PPP1R36: variants seen among roughly 807,000 people sequenced by gnomAD.
The protein encoded by PPP1R36 is chromosome 14 open reading frame 50.
Under a neutral mutation model 53.4 loss-of-function variants are expected in PPP1R36, and 47 were observed. That is an observed-to-expected ratio of 0.88 (90% CI 0.70 to 1.12). PPP1R36 has a LOEUF of 1.12. Among genes scored for constraint, PPP1R36 ranks in the 50% most tolerant of loss-of-function variants. The pLI, the probability that PPP1R36 is intolerant of heterozygous loss-of-function variation, is 0.00. For missense variants in PPP1R36, 456 were observed against 513.9 expected, an observed-to-expected ratio of 0.89 and a Z score of 1.09; for synonymous variants, 153 against 170.5, an observed-to-expected ratio of 0.90 and a Z score of 0.80.
chr14:64,583,037 G>A (rs2080401012), intron 8 of PPP1R36, among the ~76,000 whole-genome samples: 1 of 148,690 alleles, frequency 6.7e-6, no homozygotes, highest in Non-Finnish European at 1.5e-5. Context: ...ACTACAAGGC[G>A]TGTGCCACCA....
At chr14:64,552,993 T>G in intron 3 of PPP1R36, 132 bp downstream of exon 3, 1 of 689,328 alleles carries the variant, frequency 1.5e-6, no homozygotes, top group Non-Finnish European at 2.5e-6. Flanking sequence ...TTTTTTGAGA[T>G]AGAGTCTCAC....
chr14:64,560,228 C>A (rs566918808), intron 3 of PPP1R36, among the ~76,000 whole-genome samples: 2 of 149,606 alleles, frequency 1.3e-5, no homozygotes, highest in South Asian at 4.2e-4. Context: ...ATGGCCTAAG[C>A]TCAAGAGTTT....
chr14:64,558,568 G>A (rs2080177156), intron 3 of PPP1R36, among the ~76,000 whole-genome samples: 1 of 151,842 alleles, frequency 6.6e-6, no homozygotes, highest in Non-Finnish European at 1.5e-5. Context: ...AACAGAGTGA[G>A]ACCCTGCCTC....
chr14:64,550,373 C>CAGAGCAGACCTACT, intron 1 of PPP1R36: 1 of 926,126 alleles, frequency 1.1e-6, no homozygotes, highest in South Asian at 2.6e-5. Flanking sequence ...GAAGCAGCCC[C>CAGAGCAGACCTACT]GCTCTGGATA....
chr14:64,565,385 G>A lies in PPP1R36; in HGVS notation c.298G>A (p.Asp100Asn), dbSNP rs760331445. 3 of 1,613,340 alleles carry A rather than the reference G, an allele frequency of 1.9e-6. No individual in the cohort carries two copies. Among genetic ancestry groups the A allele is most frequent in the Non-Finnish European group, 2.5e-6 (3 of 1,179,466 alleles). ...GACAGATAAAAGACTTGCTGCAAAA[G>A]ATGATAAGTCAGCTAAAGCTGTAGA... is the stretch of plus-strand genomic sequence containing the variant. ...RLTDKRLAAK[D>N]DKSAKAVEKR... is the part of the protein sequence containing the mutation. Residue 100 changes from aspartate to asparagine, a missense_variant, in exon 5 of 12, where the codon GAT (aspartate) becomes AAT (asparagine). Asp to Asn is a conservative substitution (Grantham distance 23). Transcript: ENST00000298705.
intron 3 of PPP1R36, among the ~76,000 whole-genome samples, chr14:64,560,887 G>A (rs1289077864): frequency 6.6e-6 from 1 of 152,196 alleles, no homozygotes; most frequent in Non-Finnish European, 1.5e-5. Flanking sequence ...ATAAATTTGT[G>A]TGTTATTGGT....
intron 4 of PPP1R36, 94 bp from the exon 5 acceptor site, chr14:64,565,263 T>A: frequency 1.3e-6 from 1 of 773,716 alleles, no homozygotes. Context: ...AGGCTCTTAT[T>A]ACTTTTTAAT....
chr14:64,583,073 A>ATT (rs1255357344), intron 8 of PPP1R36, among the ~76,000 whole-genome samples: 125 of 136,138 alleles, frequency 9.2e-4, no homozygotes, highest in African/African-American at 1.8e-3. Context: ...ATATATATAT[A>ATT]TATTTTTTTT....
rs776262589 is a variant in PPP1R36 at position 64,588,249 on chromosome 14, G to C, written c.1036G>C (p.Glu346Gln). 2 of 1,613,900 alleles carry C rather than the reference G, an allele frequency of 1.2e-6. No homozygotes were observed. Among genetic ancestry groups the C allele is most frequent in the Non-Finnish European group, 1.7e-6 (2 of 1,179,880 alleles). ...YHQVDVRFPA[E>Q]MQKHVGTLDS... ...TCAAGTAGACGTCAGATTCCCAGCC[G>C]AGATGCAAAAGCATGTGGGAACTCT... Residue 346 changes from glutamate (E) to glutamine (Q), a missense_variant, in exon 11 of 12, where the codon GAG (glutamate) becomes CAG (glutamine). Transcript: ENST00000298705.
intron 3 of PPP1R36, among the ~76,000 whole-genome samples, chr14:64,563,143 G>C (rs1450251081): frequency 3.9e-5 from 6 of 152,140 alleles, no homozygotes; most frequent in Non-Finnish European, 8.8e-5. Flanking sequence ...TGGGATTGCA[G>C]GCGAGAGCCA....
intron 8 of PPP1R36, among the ~76,000 whole-genome samples, chr14:64,578,128 G>T (rs1348426464): frequency 6.6e-6 from 1 of 151,480 alleles, no homozygotes; most frequent in African/African-American, 2.4e-5. Flanking sequence ...CTAATTTTTT[G>T]TATTTAGTAG....
chr14:64,576,476 A>G (rs1263290464), intron 8 of PPP1R36, among the ~76,000 whole-genome samples: 1 of 152,224 alleles, frequency 6.6e-6, no homozygotes, highest in Non-Finnish European at 1.5e-5. Context: ...GCTATTCATA[A>G]GGATCGTATA....
Position 64,580,319 on chromosome 14 carries a change from A to T in PPP1R36, c.668+5730A>T, listed in dbSNP as rs571626730. Among the ~76,000 whole-genome samples, 8 of 152,310 alleles carry T rather than the reference A, an allele frequency of 5.3e-5. No homozygotes were observed. The South Asian group carries it at 8.3e-4, about 16-fold the overall frequency. Reference sequence around the variant, plus strand: ...ACCCTGCCTCAAAAAAATTTTTTTTAAATTTCTCATACTTAATGTTTAATC... The same window carrying T: ...ACCCTGCCTCAAAAAAATTTTTTTTTAATTTCTCATACTTAATGTTTAATC... On this transcript the variant is annotated intron_variant, in intron 8 of 11. Transcript: ENST00000298705.
At chr14:64,560,182 T>TGTAA (rs1566650038) in intron 3 of PPP1R36, among the ~76,000 whole-genome samples, 1 of 149,124 alleles carries the variant, frequency 6.7e-6, no homozygotes, top group Non-Finnish European at 1.5e-5. Context: ...GGCTCACGCT[T>TGTAA]GTAATCCCAG....
At chr14:64,550,875 A>C (rs370067091) in intron 1 of PPP1R36, 46 bp from the exon 2 acceptor site, 1 of 1,414,712 alleles carries the variant, frequency 7.1e-7, no homozygotes, top group African/African-American at 1.4e-5. Flanking sequence ...TATGGATTGT[A>C]AATTGAGCTT....
intron 2 of PPP1R36, 71 bp from the exon 3 acceptor site, chr14:64,552,743 A>T: frequency 8.3e-7 from 1 of 1,199,216 alleles, no homozygotes; most frequent in Non-Finnish European, 1.2e-6. Flanking sequence ...TTTACATTTT[A>T]TAGAATATGT....
chr14:64,561,644 T>C (rs1321038995), intron 3 of PPP1R36: 2 of 363,260 alleles, frequency 5.5e-6, no homozygotes, highest in South Asian at 2.1e-5. Flanking sequence ...ATGAGGGTGC[T>C]GGTATAGTTC....
At chr14:64,587,075 A>G (rs939308993) in intron 9 of PPP1R36, 119 bp from the exon 10 acceptor site, 2 of 881,378 alleles carry the variant, frequency 2.3e-6, no homozygotes, top group Admixed American at 2.8e-5. Flanking sequence ...TCATTGTTTC[A>G]GGAATATTGG....
At chr14:64,578,081 G>T (rs143761781) in intron 8 of PPP1R36, among the ~76,000 whole-genome samples, 6,640 of 149,614 alleles carry the variant, frequency 0.044, 193 homozygotes, top group African/African-American at 0.068. Context: ...GCAATGGCGC[G>T]ATCTCGGCCC....
Sources: gnomAD v4.1 joint callset for allele counts (sites outside exome capture counted in the v4.1 genomes callset) on GRCh38, gnomAD v4.1.1 for gene constraint, MANE v1.5 for transcripts, NCBI Gene and HGNC (gene_info 2026-07-23, HGNC 2026-07-21) for gene names.